The following PTPN21 variants were observed in gnomAD, a reference collection of about 807,000 sequenced individuals.
The protein encoded by PTPN21 is protein tyrosine phosphatase non-receptor type 21.
A neutral mutation model predicts 131.8 loss-of-function variants in PTPN21; 77 were observed. The observed-to-expected ratio is 0.58, with a 90% confidence interval of 0.49 to 0.71. The LOEUF is 0.71. PTPN21 is among the 30% of genes least tolerant of loss of function. The pLI, the probability that PTPN21 is intolerant of heterozygous loss-of-function variation, is 0.00. For missense variants in PTPN21, 1,552 were observed against 1,527.1 expected, an observed-to-expected ratio of 1.02 and a Z score of -0.27; for synonymous variants, 715 against 621.3, an observed-to-expected ratio of 1.15 and a Z score of -2.24.
Position 88,479,060 on chromosome 14 carries a change from G to T in PTPN21, c.2371C>A (p.Leu791Met). 1 of 1,606,888 alleles carries T rather than the reference G, an allele frequency of 6.2e-7. No homozygotes were observed. Among genetic ancestry groups the T allele is most frequent in the South Asian group, 1.1e-5 (1 of 90,318 alleles). ...GACTCCGACATGGAGGGCATCAGCA[G>T]CCCGTCTCTCCAGGGCCGCTGGGCC... ...AEAQRPWRDG[L>M]LMPSMSESDL... The change falls in exon 13 of 19, where the codon CTG becomes ATG. Residue 791 changes from leucine (L) to methionine (M), a missense_variant. Around this residue, in one of 4 missense-constraint regions of PTPN21, gnomAD observed 1,016 missense variants for 883.5 expected, o/e 1.15. Transcript: ENST00000556564.
chr14:88,472,541 C>T, intron 14 of PTPN21, 76 bp from the exon 15 acceptor site: 6 of 930,090 alleles, frequency 6.5e-6, no homozygotes, highest in Non-Finnish European at 9.9e-6. Context: ...TATTTGAAAT[C>T]TTGTTTTCTG....
intron 2 of PTPN21, among the ~76,000 whole-genome samples, chr14:88,518,994 C>G (rs1002726176): frequency 2.7e-4 from 38 of 140,760 alleles, no homozygotes; most frequent in African/African-American, 1.0e-3. Flanking sequence ...CACACATACA[C>G]ACACACACAC....
chr14:88,532,227 TAGAG>T (rs1350239153), intron 2 of PTPN21, among the ~76,000 whole-genome samples: 3 of 152,048 alleles, frequency 2.0e-5, no homozygotes, highest in Non-Finnish European at 4.4e-5. Flanking sequence ...TTCCAAAAGA[TAGAG>T]AAAGAGGGAA....
chr14:88,491,564 CTA>C (rs1327158491), intron 10 of PTPN21, among the ~76,000 whole-genome samples: 2 of 152,168 alleles, frequency 1.3e-5, no homozygotes, highest in African/African-American at 4.8e-5. Context: ...ACTAAACAGT[CTA>C]TATTGAGAGC....
At chr14:88,474,177 A>C (rs767675108) in intron 13 of PTPN21, among the ~76,000 whole-genome samples, 23 of 147,750 alleles carry the variant, frequency 1.6e-4, no homozygotes, top group Admixed American at 7.4e-4. Flanking sequence ...AATGCAATCA[A>C]TTGACTATAG....
intron 2 of PTPN21, among the ~76,000 whole-genome samples, chr14:88,533,471 A>G: frequency 6.6e-6 from 1 of 152,252 alleles, no homozygotes; most frequent in East Asian, 1.9e-4. Context: ...CCAATTGCAC[A>G]AAAGCACAGC....
In PTPN21 at chr14:88,554,745, C is replaced by T. The variant is rs1318176686; in HGVS notation, c.-297G>A. ...CGCCGCGCGGCCGCCGCAGCCGCAC[C>T]CGCACGCCAGCCCGGGCCGCGGCGC... is the stretch of plus-strand genomic sequence containing the variant. On this transcript the variant is annotated 5_prime_UTR_variant, in exon 1 of 19. Transcript: ENST00000556564. The T allele has an allele frequency of 2.0e-5, 3 of 149,094 alleles. No homozygotes were observed. Among genetic ancestry groups the T allele is most frequent in the Non-Finnish European group, 3.0e-5 (2 of 66,976 alleles). 9.2% of individuals were successfully genotyped at this position (149,094 alleles called of 1,614,324 possible).
At chr14:88,522,301 G>A (rs2078406610) in intron 2 of PTPN21, among the ~76,000 whole-genome samples, 1 of 151,786 alleles carries the variant, frequency 6.6e-6, no homozygotes, top group African/African-American at 2.4e-5. Flanking sequence ...GATGGTGGGT[G>A]CCTGTAATCC....
chr14:88,480,456 G>T (rs896847203), intron 12 of PTPN21, 104 bp from the exon 13 acceptor site: 2 of 930,472 alleles, frequency 2.1e-6, no homozygotes, highest in Admixed American at 2.6e-5. Context: ...AACACAGCTT[G>T]TAAAAATCCC....
intron 10 of PTPN21, chr14:88,493,007 T>A: frequency 2.3e-6 from 1 of 435,088 alleles, no homozygotes; most frequent in Non-Finnish European, 4.5e-6. Flanking sequence ...AGGCAGGAAC[T>A]ACTCTAACAG....
At chr14:88,502,222 C>T (rs1479681799) in intron 6 of PTPN21, among the ~76,000 whole-genome samples, 1 of 152,168 alleles carries the variant, frequency 6.6e-6, no homozygotes, top group Non-Finnish European at 1.5e-5. Context: ...ACCCACACTG[C>T]AGCCATCCCA....
intron 10 of PTPN21, among the ~76,000 whole-genome samples, chr14:88,491,073 T>A (rs1345043441): frequency 6.6e-6 from 1 of 152,202 alleles, no homozygotes; most frequent in Non-Finnish European, 1.5e-5. Context: ...AATTCCCAAT[T>A]CAACCATAAA....
intron 2 of PTPN21, among the ~76,000 whole-genome samples, chr14:88,518,113 T>C (rs970285913): frequency 6.9e-6 from 1 of 143,888 alleles, no homozygotes; most frequent in Non-Finnish European, 1.5e-5. Context: ...CTCTGTTTCC[T>C]GAATATGAGT....
chr14:88,528,486 T>C (rs2078511804), intron 2 of PTPN21, among the ~76,000 whole-genome samples: 1 of 152,248 alleles, frequency 6.6e-6, no homozygotes, highest in African/African-American at 2.4e-5. Flanking sequence ...TACTGATTTG[T>C]GTACCTGAAT....
chr14:88,479,149 T>G lies in PTPN21; in HGVS notation c.2282A>C (p.Lys761Thr). The change falls in exon 13 of 19, where the codon AAG becomes ACG. Residue 761 changes from lysine to threonine, a missense_variant. By Grantham distance (78) the Lys-to-Thr change is moderately conservative. This residue lies in a region of PTPN21 where 1,016 missense variants were observed against 883.5 expected (regional missense o/e 1.15). Coordinates refer to ENST00000556564, the MANE Select transcript of PTPN21 (RefSeq NM_007039.4). ...CTTCTCCGCGTCTGGGACGTGGGCC[T>G]TGGGCTCCAGGATGTGCAGGGGCCC... ...LAGPLHILEP[K>T]AHVPDAEKRM... 6.4e-7 allele frequency: 1 copy of G among 1,553,252 alleles called. No homozygotes were observed. The highest frequency in any genetic ancestry group is 8.7e-7 in the Non-Finnish European group (1 of 1,152,268).
At chr14:88,516,777 T>G (rs2078277349) in intron 3 of PTPN21, among the ~76,000 whole-genome samples, 1 of 152,196 alleles carries the variant, frequency 6.6e-6, no homozygotes, top group Non-Finnish European at 1.5e-5. Context: ...TTCTCTCCTT[T>G]CCTTGTTACA....
At chr14:88,509,658 G>A (rs976265584) in intron 3 of PTPN21, among the ~76,000 whole-genome samples, 2 of 152,260 alleles carry the variant, frequency 1.3e-5, no homozygotes, top group Admixed American at 6.5e-5. Flanking sequence ...ATCTGAGGGA[G>A]AGCGTGTTTA....
At chr14:88,486,887 A>G (rs1395939939) in intron 10 of PTPN21, among the ~76,000 whole-genome samples, 2 of 150,324 alleles carry the variant, frequency 1.3e-5, no homozygotes, top group Non-Finnish European at 3.0e-5. Flanking sequence ...GAGGCAGGGG[A>G]GTCACTTGAA....
At chr14:88,494,662 C>T (rs2077877330) in intron 10 of PTPN21, among the ~76,000 whole-genome samples, 1 of 150,660 alleles carries the variant, frequency 6.6e-6, no homozygotes, top group African/African-American at 2.4e-5. Context: ...GTCTCAAAAA[C>T]AAACTAAAAA....
Sources: gnomAD v4.1 joint callset for allele counts (sites outside exome capture counted in the v4.1 genomes callset) on GRCh38, gnomAD v4.1.1 for gene constraint, gnomAD v4.1.1 regional missense constraint, MANE v1.5 for transcripts, NCBI Gene and HGNC (gene_info 2026-07-23, HGNC 2026-07-21) for gene names.